The following IQSEC1 variants were observed in gnomAD, a reference collection of about 807,000 sequenced individuals.
IQSEC1 encodes the protein IQ motif and SEC7 domain-containing protein 1.
IQSEC1 carries 31 observed loss-of-function variants against 91.0 expected under a neutral mutation model. The observed-to-expected ratio is 0.34, with a 90% CI of 0.26 to 0.46. The LOEUF is 0.46. IQSEC1 is among the 20% of genes least tolerant of loss of function. IQSEC1 has a pLI of 1.00. For missense variants in IQSEC1, 1,388 were observed against 1,575.6 expected, an observed-to-expected ratio of 0.88 and a Z score of 2.02; for synonymous variants, 699 against 662.6, an observed-to-expected ratio of 1.05 and a Z score of -0.84.
At chr3:12,946,162 G>C (rs1020835226) in intron 1 of IQSEC1, among the ~76,000 whole-genome samples, 4 of 152,188 alleles carry the variant, frequency 2.6e-5, no homozygotes, top group African/African-American at 9.7e-5. Context: ...GGACTTTTGG[G>C]TTAGAGAACA....
intron 1 of IQSEC1, among the ~76,000 whole-genome samples, chr3:13,239,787 C>T (rs139311425): frequency 6.6e-5 from 10 of 152,364 alleles, no homozygotes; most frequent in African/African-American, 1.7e-4. Flanking sequence ...CACAGAAGGA[C>T]GAAGCCTGCA....
At chr3:13,000,790 A>G (rs769542534) in intron 1 of IQSEC1, among the ~76,000 whole-genome samples, 10 of 152,224 alleles carry the variant, frequency 6.6e-5, no homozygotes, top group Non-Finnish European at 1.5e-4. Flanking sequence ...CACAACTTCC[A>G]TGAACTGGTA....
At chr3:13,002,707 C>CA (rs752757564) in intron 1 of IQSEC1, among the ~76,000 whole-genome samples, 1 of 152,192 alleles carries the variant, frequency 6.6e-6, no homozygotes, top group Non-Finnish European at 1.5e-5. Flanking sequence ...TCAAAGGAGA[C>CA]ATATGAATGG....
At chr3:13,226,593 A>AC (rs1178373034) in intron 1 of IQSEC1, among the ~76,000 whole-genome samples, 1 of 149,914 alleles carries the variant, frequency 6.7e-6, no homozygotes, top group Non-Finnish European at 1.5e-5. Context: ...CTCTACCAAA[A>AC]AAAAAAAAAA....
chr3:13,263,940 G>A (rs573648542), intron 1 of IQSEC1, among the ~76,000 whole-genome samples: 8 of 152,306 alleles, frequency 5.3e-5, no homozygotes, highest in East Asian at 1.9e-4. Flanking sequence ...TGGCCCAGCC[G>A]GTCTCTGGAT....
chr3:13,175,619 T>C (rs1693711450), intron 1 of IQSEC1, among the ~76,000 whole-genome samples: 1 of 152,238 alleles, frequency 6.6e-6, no homozygotes, highest in African/African-American at 2.4e-5. Flanking sequence ...CTTGTCTCAA[T>C]CCATCTGGGT....
chr3:13,210,233 C>A (rs765801903), intron 1 of IQSEC1, among the ~76,000 whole-genome samples: 1 of 152,094 alleles, frequency 6.6e-6, no homozygotes, highest in Non-Finnish European at 1.5e-5. Flanking sequence ...GCTGTGGTAT[C>A]CCCCAGGCTG....
chr3:13,046,083 C>T (rs78862167), intron 1 of IQSEC1, among the ~76,000 whole-genome samples: 24 of 152,310 alleles, frequency 1.6e-4, no homozygotes, highest in South Asian at 8.3e-4. Context: ...GAGTGTGCTA[C>T]GGTGTTGGGC....
At chr3:13,097,549 G>T (rs1246823991) in intron 2 of IQSEC1, among the ~76,000 whole-genome samples, 1 of 152,184 alleles carries the variant, frequency 6.6e-6, no homozygotes, top group African/African-American at 2.4e-5. Flanking sequence ...GTGAACCGGG[G>T]CTGGGCCCCT....
chr3:13,252,613 C>G (rs1695213412), intron 1 of IQSEC1, among the ~76,000 whole-genome samples: 1 of 152,232 alleles, frequency 6.6e-6, no homozygotes, highest in Non-Finnish European at 1.5e-5. Context: ...TTTTGAGGAA[C>G]CACCACAACG....
chr3:13,126,294 G>A (rs1381388824), intron 2 of IQSEC1, among the ~76,000 whole-genome samples: 1 of 152,126 alleles, frequency 6.6e-6, no homozygotes, highest in Non-Finnish European at 1.5e-5. Context: ...TTGTAATCTG[G>A]CTTCTTTCAC....
intron 8 of IQSEC1, 133 bp from the exon 9 acceptor site, chr3:12,913,686 T>G: frequency 1.3e-6 from 1 of 755,840 alleles, no homozygotes; most frequent in Non-Finnish European, 2.0e-6. Flanking sequence ...ATGCCTTCCC[T>G]CACAGACATT....
intron 1 of IQSEC1, among the ~76,000 whole-genome samples, chr3:12,974,104 C>T (rs529780529): frequency 6.6e-6 from 1 of 152,336 alleles, no homozygotes; most frequent in Non-Finnish European, 1.5e-5. Flanking sequence ...AGAACCACTG[C>T]AGCTAGGCCA....
intron 1 of IQSEC1, among the ~76,000 whole-genome samples, chr3:13,066,458 CCTGGGGGAGTCAGGAAAGAGGCACAGG>C (rs1458343496): frequency 6.6e-6 from 1 of 152,204 alleles, no homozygotes; most frequent in African/African-American, 2.4e-5. Flanking sequence ...GGCCCATTTG[CCTGGGGGAGTCAGGAAAGAGGCACAGG>C]CTGGGCTGTG....
At position 13,103,782 on chromosome 3, in the gene IQSEC1, C is replaced by T. The variant is rs78821456; in HGVS notation, c.303-56260G>A. On this transcript the variant is annotated intron_variant, in intron 2 of 15. Coordinates refer to the IQSEC1 transcript ENST00000648114. The surrounding 1 kb of genome is among the most constrained non-coding windows in gnomAD (Gnocchi z 4.1). ...CCGGTATTCCATGTTGCCTACCACCCTACGAGGGCAGGGGCTGTGTCTGCC... is the reference window on the plus strand; with the variant it reads ...CCGGTATTCCATGTTGCCTACCACCTTACGAGGGCAGGGGCTGTGTCTGCC... Among the ~76,000 whole-genome samples the T allele has an allele frequency of 2.6e-5, 4 of 152,306 alleles. No homozygotes were observed. The highest frequency in any genetic ancestry group is 4.4e-5 in the Non-Finnish European group (3 of 68,024).
chr3:13,003,298 A>AG (rs1702503130), intron 1 of IQSEC1, among the ~76,000 whole-genome samples: 1 of 151,664 alleles, frequency 6.6e-6, no homozygotes, highest in Non-Finnish European at 1.5e-5. Context: ...AAAAAAAAAA[A>AG]AGGAATGAAG....
At chr3:13,050,170 G>A (rs961990993) in intron 1 of IQSEC1, among the ~76,000 whole-genome samples, 3 of 151,372 alleles carry the variant, frequency 2.0e-5, no homozygotes, top group African/African-American at 4.8e-5. Context: ...GGCTCTGAAT[G>A]GAGACCCTCC....
chr3:13,193,727 G>C lies in IQSEC1; in HGVS notation c.273-29594C>G, dbSNP rs1040411211. Reference sequence around the variant, plus strand: ...AGCTTAAGCCTCCCTCCTCCAACGGGCTCTCCCTGGACACATGCTGTGCTG... The same window carrying C: ...AGCTTAAGCCTCCCTCCTCCAACGGCCTCTCCCTGGACACATGCTGTGCTG... On this transcript the variant is annotated intron_variant, in intron 1 of 15. Transcript: ENST00000648114. The surrounding 1 kb of genome is among the most constrained non-coding windows in gnomAD (Gnocchi z 4.2). 6.6e-6 allele frequency among the ~76,000 whole-genome samples: 1 copy of C among 152,134 alleles called. No homozygotes were observed. Among genetic ancestry groups the C allele is most frequent in the African/African-American group, 2.4e-5 (1 of 41,416 alleles).
Position 12,924,549 on chromosome 3 carries a change from C to T in IQSEC1, c.1730+32G>A, listed in dbSNP as rs773407351. The T allele has an allele frequency of 7.1e-6, 11 of 1,549,596 alleles. 1 individual carries two copies. In the South Asian group the frequency reaches 1.2e-4, roughly 17 times the overall value. ...GGGTGCGTGAGGGCGTGTGTGGAAT[C>T]AGGTCCCCCACCACCCCCATGCAGA... On this transcript the variant is annotated intron_variant, in intron 4 of 13. Coordinates refer to ENST00000613206, the MANE Select transcript of IQSEC1 (RefSeq NM_001134382.3). This position sits in a 1 kb window ranked among gnomAD's most constrained non-coding sequence, Gnocchi z 6.3.
Sources: allele counts gnomAD v4.1 joint callset (sites outside exome capture counted in the v4.1 genomes callset), GRCh38; gene constraint gnomAD v4.1.1; non-coding constraint Gnocchi (gnomAD v3.1); transcripts MANE v1.5; gene names NCBI Gene and HGNC (gene_info 2026-07-23, HGNC 2026-07-21).